Variants in CHMP2B observed in about 807,000 individuals in gnomAD.
The protein encoded by CHMP2B is charged multivesicular body protein 2B.
CHMP2B carries 22 observed loss-of-function variants against 29.8 expected under a neutral mutation model. The ratio of observed to expected loss-of-function variants is 0.74; its 90% CI spans 0.53 to 1.05. CHMP2B has a LOEUF of 1.05. Ranked by LOEUF, CHMP2B falls within the 50% of genes least tolerant of loss-of-function variation. The pLI is 0.00. For synonymous variants in CHMP2B, 78 were observed against 75.8 expected, an observed-to-expected ratio of 1.03 and a Z score of -0.15; for missense variants, 261 against 252.2, an observed-to-expected ratio of 1.03 and a Z score of -0.24.
In CHMP2B at chr3:87,255,076, G is replaced by A. The variant is rs1480949554; in HGVS notation, c.*1254G>A. The A allele has an allele frequency of 6.6e-6, 1 of 151,838 alleles. No homozygotes were observed. Among genetic ancestry groups the A allele is most frequent in the Non-Finnish European group, 1.5e-5 (1 of 67,890 alleles). The allele number at this position is 151,838 out of a possible 1,614,324, so 9.4% of individuals were successfully genotyped here. ...TTGAAAAATGATGTTGTAATATATG[G>A]GTTCTAACACATCCTACCATAAAAA... is the stretch of plus-strand genomic sequence containing the variant. On this transcript the variant is annotated 3_prime_UTR_variant, in exon 6 of 6. Transcript: ENST00000263780.
rs938032807 is a variant in CHMP2B, at chr3:87,243,742, A to G, written c.127-1972A>G. ...CTTTAGTCTGTCAAGTAACTTGTCC[A>G]TTTCTACTAAATTTTAAAATATACT... On this transcript the variant is annotated intron_variant, in intron 2 of 5. Coordinates refer to ENST00000263780, the MANE Select transcript of CHMP2B (RefSeq NM_014043.4). Among the ~76,000 whole-genome samples, 20 of 152,146 alleles carry G rather than the reference A, an allele frequency of 1.3e-4. No homozygotes were observed. In the Middle Eastern group the frequency reaches 0.014, roughly 104 times the overall value.
chr3:87,250,690 T>C (rs1008373274), intron 4 of CHMP2B, among the ~76,000 whole-genome samples: 1 of 151,974 alleles, frequency 6.6e-6, no homozygotes, highest in Non-Finnish European at 1.5e-5. Flanking sequence ...TATACCCTAG[T>C]TTATCAAACC....
intron 4 of CHMP2B, among the ~76,000 whole-genome samples, chr3:87,251,951 A>G (rs1465708893): frequency 6.6e-6 from 1 of 151,684 alleles, no homozygotes; most frequent in Non-Finnish European, 1.5e-5. Context: ...TGAGTAACAT[A>G]CCGCGAAATT....
chr3:87,253,368 A>C, intron 4 of CHMP2B, 36 bp from the exon 5 acceptor site: 1 of 1,235,272 alleles, frequency 8.1e-7, no homozygotes, highest in Non-Finnish European at 1.2e-6. Flanking sequence ...GTTTGTTTGA[A>C]AGTAACTGCT....
intron 1 of CHMP2B, among the ~76,000 whole-genome samples, chr3:87,231,225 C>T (rs1172424441): frequency 6.6e-6 from 1 of 152,126 alleles, no homozygotes; most frequent in East Asian, 1.9e-4. Flanking sequence ...CTAGGTGTCT[C>T]ACAGTACCTC....
At chr3:87,247,353 T>G (rs1037854854) in intron 3 of CHMP2B, among the ~76,000 whole-genome samples, 8 of 152,314 alleles carry the variant, frequency 5.3e-5, no homozygotes, top group African/African-American at 1.9e-4. Flanking sequence ...CTAACGTGTA[T>G]TTTCTCCATA....
Position 87,249,863 on chromosome 3 carries a change from A to G in CHMP2B, c.322-12A>G, listed in dbSNP as rs1444766585. On this transcript the variant is annotated splice_polypyrimidine_tract_variant and intron_variant, in intron 3 of 5. Coordinates refer to ENST00000263780, the MANE Select transcript of CHMP2B (RefSeq NM_014043.4). ...TATGGAAGTAACATGAATCTTGTAA[A>G]TACATTTAAAGACAATGCAGGCAGT... 2 of 1,520,718 alleles carry G rather than the reference A, an allele frequency of 1.3e-6. No homozygotes were observed. Among genetic ancestry groups the G allele is most frequent in the Non-Finnish European group, 1.8e-6 (2 of 1,098,336 alleles). 94.2% of individuals were successfully genotyped at this position (1,520,718 alleles called of 1,614,324 possible).
At position 87,227,395 on chromosome 3, in the gene CHMP2B, G is replaced by C; in HGVS notation, c.-128G>C. On this transcript the variant is annotated 5_prime_UTR_variant, in exon 1 of 6. Coordinates refer to ENST00000263780, the MANE Select transcript of CHMP2B (RefSeq NM_014043.4). ...TCCGCGGGTCCTGCCTGGCGACCCC[G>C]ACCTCCTCCTGCTGTCTCTCCGCTC... is the stretch of plus-strand genomic sequence containing the variant. 1 of 1,062,758 alleles carries C rather than the reference G, an allele frequency of 9.4e-7. No homozygotes were observed. Among genetic ancestry groups the C allele is most frequent in the Non-Finnish European group, 1.5e-6 (1 of 689,578 alleles). 65.8% of individuals were successfully genotyped at this position (1,062,758 alleles called of 1,614,324 possible). A position where few individuals can be genotyped will look rare whatever the true frequency, so the allele number is the denominator to read the frequency against.
chr3:87,252,176 C>T (rs1706323076), intron 4 of CHMP2B, among the ~76,000 whole-genome samples: 1 of 151,920 alleles, frequency 6.6e-6, no homozygotes. Context: ...GTTACTATAG[C>T]AGTCCTAAAC....
chr3:87,236,731 G>A (rs538116872), intron 1 of CHMP2B, among the ~76,000 whole-genome samples: 4 of 151,900 alleles, frequency 2.6e-5, no homozygotes, highest in East Asian at 3.9e-4. Context: ...GCATGGTGGC[G>A]CATGCCTGTA....
At chr3:87,253,685 G>T in intron 5 of CHMP2B, 27 bp from the exon 6 acceptor site, 1 of 1,582,858 alleles carries the variant, frequency 6.3e-7, no homozygotes, top group Non-Finnish European at 8.7e-7. Flanking sequence ...CCTAATGCAC[G>T]TTTGTCTTTT....
At chr3:87,235,588 A>G (rs946747994) in intron 1 of CHMP2B, among the ~76,000 whole-genome samples, 2 of 152,242 alleles carry the variant, frequency 1.3e-5, no homozygotes, top group Non-Finnish European at 2.9e-5. Context: ...CTGTTATGAT[A>G]CATATAGTTA....
chr3:87,247,057 G>A (rs1023008289), intron 3 of CHMP2B, among the ~76,000 whole-genome samples: 3 of 152,146 alleles, frequency 2.0e-5, no homozygotes, highest in Non-Finnish European at 4.4e-5. Flanking sequence ...GAAAGTACAA[G>A]CTTTATGTTA....
chr3:87,250,108 A>G (rs539151711), intron 4 of CHMP2B, 131 bp downstream of exon 4: 2 of 583,020 alleles, frequency 3.4e-6, no homozygotes, highest in African/African-American at 3.8e-5. Context: ...TCAAAATTCT[A>G]TTTGTATTTA....
At chr3:87,230,678 C>G (rs566840915) in intron 1 of CHMP2B, among the ~76,000 whole-genome samples, 1 of 152,266 alleles carries the variant, frequency 6.6e-6, no homozygotes, top group East Asian at 1.9e-4. Flanking sequence ...TGGCCAGTTT[C>G]TTTTTGCTTT....
intron 1 of CHMP2B, among the ~76,000 whole-genome samples, chr3:87,229,392 A>C (rs2106888983): frequency 6.6e-6 from 1 of 152,212 alleles, no homozygotes; most frequent in East Asian, 1.9e-4. Flanking sequence ...CAATTTCCAA[A>C]TGTAAATTTG....
Position 87,235,859 on chromosome 3 carries a change from G to A in CHMP2B, c.35-4840G>A, listed in dbSNP as rs138669533. Among the ~76,000 whole-genome samples the A allele has an allele frequency of 1.9e-3, 290 of 152,312 alleles. 5 individuals are homozygous for A. The highest frequency in any genetic ancestry group is 6.5e-3 in the African/African-American group (271 of 41,558). On this transcript the variant is annotated intron_variant, in intron 1 of 5. Coordinates refer to ENST00000263780, the MANE Select transcript of CHMP2B (RefSeq NM_014043.4). ...GAAAGACGCAGATTGTGCTTCTGGT[G>A]AGTACTTCTGACTGACCAGGGTTTT... is the stretch of plus-strand genomic sequence containing the variant.
intron 1 of CHMP2B, among the ~76,000 whole-genome samples, chr3:87,236,849 TCAAAA>T (rs1045487128): frequency 4.6e-5 from 7 of 151,516 alleles, no homozygotes; most frequent in Non-Finnish European, 8.8e-5. Context: ...AAACTCCATC[TCAAAA>T]CAAAACAAAA....
At chr3:87,244,403 G>C (rs1559608626) in intron 2 of CHMP2B, among the ~76,000 whole-genome samples, 1 of 147,562 alleles carries the variant, frequency 6.8e-6, no homozygotes, top group Non-Finnish European at 1.5e-5. Context: ...TGTTTCATTT[G>C]TACTTCTTTT....
Sources: allele counts gnomAD v4.1 joint callset (sites outside exome capture counted in the v4.1 genomes callset), GRCh38; gene constraint gnomAD v4.1.1; transcripts MANE v1.5; gene names NCBI Gene and HGNC (gene_info 2026-07-23, HGNC 2026-07-21).